The following PCDH15 variants were observed in gnomAD, a reference collection of about 807,000 sequenced individuals.
PCDH15 encodes protocadherin related 15.
Under a neutral mutation model 178.5 loss-of-function variants are expected in PCDH15, and 129 were observed. That is an observed-to-expected ratio of 0.72 (90% CI 0.63 to 0.84). The LOEUF is 0.84. PCDH15 is among the 40% of genes least tolerant of loss of function. PCDH15 has a pLI of 0.00. For missense variants in PCDH15, 2,230 were observed against 2,099.9 expected (o/e 1.06, Z -1.21); for synonymous variants, 800 against 732.0 (o/e 1.09, Z -1.50).
intron 2 of PCDH15, among the ~76,000 whole-genome samples, chr10:55,371,222 C>T (rs1171401823): frequency 6.6e-6 from 1 of 152,036 alleles, no homozygotes; most frequent in Non-Finnish European, 1.5e-5. Context: ...AGGGAGACTA[C>T]TACAGACTGA....
chr10:55,346,233 T>G (rs983874316), intron 2 of PCDH15, among the ~76,000 whole-genome samples: 3 of 152,110 alleles, frequency 2.0e-5, no homozygotes, highest in African/African-American at 7.2e-5. Context: ...TTAAAAAGTA[T>G]CAAAGAAAAA....
chr10:55,520,326 GTA>G (rs200235654), intron 2 of PCDH15, among the ~76,000 whole-genome samples: 1,966 of 44,590 alleles, frequency 0.044, 326 homozygotes, highest in African/African-American at 0.07. Context: ...CATGCAATGT[GTA>G]TATATATATA....
chr10:54,989,623 C>A (rs1002003711), intron 2 of PCDH15, among the ~76,000 whole-genome samples: 11 of 152,296 alleles, frequency 7.2e-5, no homozygotes, highest in African/African-American at 2.4e-4. Context: ...TTTTGGCCAA[C>A]TTCTCCCATT....
At chr10:54,391,626 T>C (rs1027675379) in intron 3 of PCDH15, among the ~76,000 whole-genome samples, 8 of 151,738 alleles carry the variant, frequency 5.3e-5, no homozygotes, top group African/African-American at 1.9e-4. Flanking sequence ...GGAAATGTCA[T>C]ATAACATGAG....
chr10:55,437,824 T>C (rs1470964314), intron 2 of PCDH15, among the ~76,000 whole-genome samples: 5 of 146,940 alleles, frequency 3.4e-5, no homozygotes, highest in Admixed American at 1.4e-4. Flanking sequence ...GTCTTTCTTA[T>C]TGCTTTTCTT....
chr10:54,622,702 C>T (rs1440223577), intron 2 of PCDH15, among the ~76,000 whole-genome samples: 6 of 23,144 alleles, frequency 2.6e-4, no homozygotes, highest in Admixed American at 1.3e-3. Flanking sequence ...TATATATTTT[C>T]TATATATTAT....
chr10:54,067,533 A>G (rs2094159692), intron 17 of PCDH15, among the ~76,000 whole-genome samples: 1 of 152,150 alleles, frequency 6.6e-6, no homozygotes, highest in African/African-American at 2.4e-5. Flanking sequence ...GCTGCAGTCA[A>G]TATTATGTAG....
intron 21 of PCDH15, among the ~76,000 whole-genome samples, chr10:53,979,621 CAT>C (rs1589738206): frequency 1.3e-5 from 2 of 152,290 alleles, no homozygotes; most frequent in Admixed American, 6.5e-5. Flanking sequence ...GGATGAGAAA[CAT>C]AGGTATGCTT....
At chr10:54,215,980 T>C (rs1172246592) in intron 9 of PCDH15, among the ~76,000 whole-genome samples, 1 of 108,288 alleles carries the variant, frequency 9.2e-6, no homozygotes, top group African/African-American at 3.3e-5. Flanking sequence ...GAGGCGGAGC[T>C]TGCAGTGAGC....
At chr10:54,990,765 G>C (rs747229256) in intron 2 of PCDH15, among the ~76,000 whole-genome samples, 30 of 151,970 alleles carry the variant, frequency 2.0e-4, no homozygotes, top group Non-Finnish European at 4.0e-4. Flanking sequence ...TATCCTTTCA[G>C]TTTTAAACTG....
chr10:54,521,409 G>A (rs1036564789), intron 3 of PCDH15, among the ~76,000 whole-genome samples: 4 of 152,040 alleles, frequency 2.6e-5, no homozygotes, highest in Admixed American at 1.3e-4. Context: ...TGCCTGTCCC[G>A]AAGTATTAAG....
At chr10:54,034,209 A>C (rs2093364872) in intron 18 of PCDH15, among the ~76,000 whole-genome samples, 1 of 151,946 alleles carries the variant, frequency 6.6e-6, no homozygotes, top group Non-Finnish European at 1.5e-5. Context: ...ATATCTCTTA[A>C]TTTCCCAATA....
intron 26 of PCDH15, among the ~76,000 whole-genome samples, chr10:53,889,380 T>A (rs2133455875): frequency 6.6e-6 from 1 of 152,020 alleles, no homozygotes; most frequent in Non-Finnish European, 1.5e-5. Context: ...AACAACAGAA[T>A]GTCCAGAGAA....
At chr10:53,973,751 G>GA (rs201031015) in intron 21 of PCDH15, among the ~76,000 whole-genome samples, 2,285 of 150,924 alleles carry the variant, frequency 0.015, 65 homozygotes, top group African/African-American at 0.052. Flanking sequence ...AAGATTTTTA[G>GA]AAAAAAAAAT....
intron 8 of PCDH15, among the ~76,000 whole-genome samples, chr10:54,309,727 CA>C (rs1333225298): frequency 6.6e-6 from 1 of 151,532 alleles, no homozygotes; most frequent in Non-Finnish European, 1.5e-5. Flanking sequence ...ACACAGGAGG[CA>C]TAGGTTGCAG....
chr10:55,245,103 G>A (rs10509030), intron 1 of PCDH15, among the ~76,000 whole-genome samples: 14,135 of 151,946 alleles, frequency 0.093, 663 homozygotes, highest in African/African-American at 0.1. Context: ...AAAACACAAA[G>A]CTGGTAGTCA....
At chr10:54,045,895 G>A (rs1159141468) in intron 18 of PCDH15, among the ~76,000 whole-genome samples, 1 of 152,020 alleles carries the variant, frequency 6.6e-6, no homozygotes, top group African/African-American at 2.4e-5. Context: ...GAAGTGAAAT[G>A]GAAGCTCGAG....
intron 2 of PCDH15, among the ~76,000 whole-genome samples, chr10:55,037,679 T>C (rs1282499465): frequency 1.3e-5 from 2 of 152,204 alleles, no homozygotes; most frequent in African/African-American, 2.4e-5. Context: ...TTTCTGAAGA[T>C]TGTAAAATAT....
At chr10:54,008,481 G>A (rs958228466) in intron 20 of PCDH15, among the ~76,000 whole-genome samples, 1 of 152,112 alleles carries the variant, frequency 6.6e-6, no homozygotes, top group Non-Finnish European at 1.5e-5. Flanking sequence ...GTTACTTAGG[G>A]CATATCTTGC....
Sources: allele counts gnomAD v4.1 joint callset (sites outside exome capture counted in the v4.1 genomes callset), GRCh38; gene constraint gnomAD v4.1.1; transcripts MANE v1.5; gene names NCBI Gene and HGNC (gene_info 2026-07-23, HGNC 2026-07-21).